Variants in GRIP2 observed in about 807,000 individuals in gnomAD.
GRIP2 encodes glutamate receptor-interacting protein 2.
GRIP2 carries 58 observed loss-of-function variants against 108.3 expected under a neutral mutation model. That is an observed-to-expected ratio of 0.54 (90% CI 0.43 to 0.67). The LOEUF is 0.67. GRIP2 is among the 30% of genes least tolerant of loss of function. GRIP2 has a pLI of 0.00. For synonymous variants in GRIP2, 586 were observed against 598.2 expected (o/e 0.98, Z 0.30); for missense variants, 1,278 against 1,430.6 (o/e 0.89, Z 1.72).
the GRIP2 span, among the ~76,000 whole-genome samples, chr3:14,576,691 C>G: frequency 1.3e-5 from 2 of 152,240 alleles, no homozygotes; most frequent in Admixed American, 1.3e-4. Flanking sequence ...ACAAACATGG[C>G]CTCACTGGTG....
chr3:14,558,385 C>T (rs1403982975), upstream of GRIP2, among the ~76,000 whole-genome samples: 2 of 152,144 alleles, frequency 1.3e-5, no homozygotes, highest in Non-Finnish European at 2.9e-5. Context: ...TGGGGTTTTG[C>T]AGACTGTTAA....
intron 1 of GRIP2, among the ~76,000 whole-genome samples, chr3:14,551,086 C>T (rs1007301889): frequency 6.6e-6 from 1 of 152,042 alleles, no homozygotes. Flanking sequence ...CCAGAAGGGA[C>T]GCTGAGGCCA....
the GRIP2 span, among the ~76,000 whole-genome samples, chr3:14,566,039 C>T: frequency 2.6e-5 from 4 of 152,344 alleles, no homozygotes; most frequent in East Asian, 5.8e-4. Flanking sequence ...AAGGGAGGAG[C>T]GCATCCCAGA....
chr3:14,525,964 C>T (rs374168589), intron 1 of GRIP2, 33 bp from the exon 2 acceptor site: 152 of 1,539,146 alleles, frequency 9.9e-5, no homozygotes, highest in Non-Finnish European at 1.3e-4. Flanking sequence ...GGCCGAGTTC[C>T]ACTTTCGTTT....
At chr3:14,499,289 G>A (rs897199123) in intron 21 of GRIP2, among the ~76,000 whole-genome samples, 14 of 152,202 alleles carry the variant, frequency 9.2e-5, no homozygotes, top group Admixed American at 3.3e-4. Context: ...AACGCAGAGC[G>A]CAGCAAGGCG....
chr3:14,511,624 C>T lies in GRIP2; in HGVS notation c.1721-145G>A. ...TGCTTCCTGGCTGGGTGACCGTGAG[C>T]AAATCAGCTCACCTCCCTGTGCATC... On this transcript the variant is annotated intron_variant, in intron 14 of 23. Coordinates refer to ENST00000621039, the MANE Select transcript of GRIP2 (RefSeq NM_001080423.4). This position sits in a 1 kb window ranked among gnomAD's most constrained non-coding sequence, Gnocchi z 4.1. The T allele has an allele frequency of 2.7e-6, 2 of 733,654 alleles. No individual in the cohort carries two copies. Among genetic ancestry groups the T allele is most frequent in the Non-Finnish European group, 4.6e-6 (2 of 433,738 alleles). 45.4% of individuals were successfully genotyped at this position (733,654 alleles called of 1,614,324 possible).
At position 14,507,872 on chromosome 3, in the gene GRIP2, T is replaced by C. The variant is rs1693975533; in HGVS notation, c.2079-172A>G. Among the ~76,000 whole-genome samples the C allele has an allele frequency of 2.6e-5, 4 of 152,144 alleles. No individual in the cohort carries two copies. In the South Asian group the frequency reaches 8.3e-4, roughly 32 times the overall value. On this transcript the variant is annotated intron_variant, in intron 17 of 23. Coordinates refer to ENST00000621039, the MANE Select transcript of GRIP2 (RefSeq NM_001080423.4). This position sits in a 1 kb window ranked among gnomAD's most constrained non-coding sequence, Gnocchi z 4.6. ...ACGCAAGTATGATCTTGGATCACATTAATAGAGACATAAAGTCTAGAACCT... is the reference window on the plus strand; with the variant it reads ...ACGCAAGTATGATCTTGGATCACATCAATAGAGACATAAAGTCTAGAACCT...
the GRIP2 span, among the ~76,000 whole-genome samples, chr3:14,571,397 T>C: frequency 6.6e-6 from 1 of 152,074 alleles, no homozygotes; most frequent in African/African-American, 2.4e-5. Flanking sequence ...AAGGTCGCAG[T>C]GGAAACCAGG....
Position 14,498,645 on chromosome 3 carries a change from A to G in GRIP2, c.2680-2085T>C, listed in dbSNP as rs192651443. 1.7e-4 allele frequency among the ~76,000 whole-genome samples: 26 copies of G among 152,284 alleles called. No homozygotes were observed. The East Asian group carries it at 2.9e-3, about 17-fold the overall frequency. ...ATCCAAGACTCCTCATTTTGGGATA[A>G]TAAGAGTTATTAAAACACAGAATCA... On this transcript the variant is annotated intron_variant, in intron 21 of 23. Transcript: ENST00000621039.
chr3:14,542,089 A>G (rs1039897311), upstream of GRIP2: 2 of 1,339,470 alleles, frequency 1.5e-6, no homozygotes, highest in Admixed American at 4.1e-5. Context: ...CATGGCACCC[A>G]GGCAGTTGGA....
upstream of GRIP2, among the ~76,000 whole-genome samples, chr3:14,556,366 C>G (rs144687080): frequency 2.6e-3 from 402 of 152,338 alleles, 2 homozygotes; most frequent in African/African-American, 9.2e-3. Flanking sequence ...AAGGCCCTCC[C>G]CCTAGAATGT....
chr3:14,548,542 C>T (rs1044489491), intron 1 of GRIP2, among the ~76,000 whole-genome samples: 1 of 152,178 alleles, frequency 6.6e-6, no homozygotes, highest in Non-Finnish European at 1.5e-5. Flanking sequence ...TGCCTGTGAC[C>T]GGCTTTGGTG....
At chr3:14,504,350 C>A (rs929485167) in intron 20 of GRIP2, among the ~76,000 whole-genome samples, 6 of 137,190 alleles carry the variant, frequency 4.4e-5, no homozygotes, top group Non-Finnish European at 9.1e-5. Context: ...CTTGCTCTGT[C>A]ACCCAAGCTG....
the GRIP2 span, among the ~76,000 whole-genome samples, chr3:14,590,019 C>T: frequency 6.6e-6 from 1 of 152,098 alleles, no homozygotes; most frequent in Non-Finnish European, 1.5e-5. Context: ...TCTCAAACTC[C>T]TAGGTTCAAG....
upstream of GRIP2, among the ~76,000 whole-genome samples, chr3:14,559,439 CAAAA>C (rs56183499): frequency 0.26 from 31,977 of 121,708 alleles, 3,755 homozygotes; most frequent in South Asian, 0.37. Context: ...AAGAATTTAT[CAAAA>C]AAAAAAAAAA....
intron 1 of GRIP2, among the ~76,000 whole-genome samples, chr3:14,547,648 C>G (rs1001165803): frequency 6.6e-6 from 1 of 152,188 alleles, no homozygotes; most frequent in Non-Finnish European, 1.5e-5. Context: ...TCAGAGCGCT[C>G]CTGGGTGAGG....
At chr3:14,551,887 T>C (rs1695155646) in intron 1 of GRIP2, among the ~76,000 whole-genome samples, 1 of 152,096 alleles carries the variant, frequency 6.6e-6, no homozygotes, top group African/African-American at 2.4e-5. Flanking sequence ...AATGGGGCAA[T>C]TTAGTTCATA....
the GRIP2 span, chr3:14,573,329 G>C: frequency 7.1e-7 from 1 of 1,404,148 alleles, no homozygotes; most frequent in Admixed American, 1.7e-5. Context: ...CACTCAGCAG[G>C]TAGATGATGG....
chr3:14,567,036 G>C, the GRIP2 span, among the ~76,000 whole-genome samples: 6 of 152,276 alleles, frequency 3.9e-5, no homozygotes, highest in South Asian at 2.1e-4. Context: ...ATGAATGAAT[G>C]AATGAATGAA....
Sources: allele counts gnomAD v4.1 joint callset (sites outside exome capture counted in the v4.1 genomes callset), GRCh38; gene constraint gnomAD v4.1.1; non-coding constraint Gnocchi (gnomAD v3.1); transcripts MANE v1.5; gene names NCBI Gene and HGNC (gene_info 2026-07-23, HGNC 2026-07-21).